SYT1: variants seen among roughly 807,000 people sequenced by gnomAD.
SYT1 encodes the protein synaptotagmin-1.
Under a neutral mutation model 44.8 loss-of-function variants are expected in SYT1, and 8 were observed. The observed-to-expected ratio is 0.18, with a 90% confidence interval of 0.10 to 0.32. The LOEUF is 0.32. SYT1 is among the 10% of genes least tolerant of loss of function. The probability of loss-of-function intolerance (pLI) is 1.00; values close to 1 mark genes in which losing one functional copy is unlikely to be tolerated. For synonymous variants in SYT1, 154 were observed against 188.8 expected, an observed-to-expected ratio of 0.82 and a Z score of 1.51; for missense variants, 286 against 509.3, an observed-to-expected ratio of 0.56 and a Z score of 4.22.
intron 1 of SYT1, among the ~76,000 whole-genome samples, chr12:78,914,793 G>A (rs1455372334): frequency 6.6e-6 from 1 of 151,834 alleles, no homozygotes; most frequent in Non-Finnish European, 1.5e-5. Context: ...TGTTTTCTAT[G>A]TATTTTTATG....
intron 1 of SYT1, among the ~76,000 whole-genome samples, chr12:78,930,726 T>A (rs1877586439): frequency 6.6e-6 from 1 of 151,834 alleles, no homozygotes; most frequent in Non-Finnish European, 1.5e-5. Context: ...AAATTTGATC[T>A]ACTGAATGTA....
intron 8 of SYT1, among the ~76,000 whole-genome samples, chr12:79,350,397 C>A (rs1295975027): frequency 6.6e-6 from 1 of 151,956 alleles, no homozygotes; most frequent in Admixed American, 6.6e-5. Flanking sequence ...GGACTACAGG[C>A]GCCCGCCACC....
At chr12:79,096,663 A>G (rs1196893850) in intron 3 of SYT1, among the ~76,000 whole-genome samples, 2 of 152,014 alleles carry the variant, frequency 1.3e-5, no homozygotes, top group Non-Finnish European at 2.9e-5. Flanking sequence ...GAATGCAACA[A>G]TATGACCCAT....
At chr12:79,445,608 T>A (rs1870663788) in intron 10 of SYT1, among the ~76,000 whole-genome samples, 1 of 151,962 alleles carries the variant, frequency 6.6e-6, no homozygotes, top group African/African-American at 2.4e-5. Flanking sequence ...GTTCCATCCA[T>A]TGCCACAAAT....
rs1295422772 is a variant in SYT1 at position 79,449,300 on chromosome 12, C to A, written c.*176C>A. Reference sequence around the variant, plus strand: ...ATTTAAATGTAGAGAGCCCCTAAGTCCTTCATCATACCACTGCCCTCCAAA... The same window carrying A: ...ATTTAAATGTAGAGAGCCCCTAAGTACTTCATCATACCACTGCCCTCCAAA... On this transcript the variant is annotated 3_prime_UTR_variant, in exon 11 of 11. Coordinates refer to ENST00000261205, the MANE Select transcript of SYT1 (RefSeq NM_005639.3). The A allele has an allele frequency of 3.1e-6, 2 of 647,662 alleles. No homozygotes were observed. The highest frequency in any genetic ancestry group is 5.2e-6 in the Non-Finnish European group (2 of 382,576). The allele number at this position is 647,662 out of a possible 1,614,324, so 40.1% of individuals were successfully genotyped here. A position where few individuals can be genotyped will look rare whatever the true frequency, so the allele number is the denominator to read the frequency against.
chr12:79,011,878 T>A (rs1408817255), intron 2 of SYT1, among the ~76,000 whole-genome samples: 4 of 152,190 alleles, frequency 2.6e-5, no homozygotes, highest in Middle Eastern at 3.4e-3. Context: ...ACGCCTGTAA[T>A]CCCAGCACTT....
chr12:79,239,464 T>C (rs1047517062), intron 4 of SYT1, among the ~76,000 whole-genome samples: 1 of 152,196 alleles, frequency 6.6e-6, no homozygotes, highest in Non-Finnish European at 1.5e-5. Context: ...TAGTTAACAA[T>C]AATGCATTTA....
chr12:79,025,256 A>C (rs1053489068), intron 2 of SYT1, among the ~76,000 whole-genome samples: 2 of 151,790 alleles, frequency 1.3e-5, no homozygotes, highest in African/African-American at 4.8e-5. Flanking sequence ...AACCATCATT[A>C]GTTTTACTTC....
chr12:79,401,634 T>A (rs1037109701), intron 9 of SYT1, among the ~76,000 whole-genome samples: 5 of 152,100 alleles, frequency 3.3e-5, no homozygotes, highest in African/African-American at 1.2e-4. Context: ...AAGAATGATA[T>A]TAAAGATAAT....
intron 1 of SYT1, among the ~76,000 whole-genome samples, chr12:78,959,074 A>G (rs1168860388): frequency 1.3e-5 from 2 of 152,144 alleles, no homozygotes; most frequent in Non-Finnish European, 2.9e-5. Context: ...GCCCATTTGC[A>G]TTCAGCTGAG....
chr12:78,894,746 G>T (rs1875261396), intron 1 of SYT1, among the ~76,000 whole-genome samples: 1 of 151,614 alleles, frequency 6.6e-6, no homozygotes, highest in African/African-American at 2.4e-5. Context: ...AGAGTCAAAT[G>T]CTGGTTACCA....
intron 4 of SYT1, among the ~76,000 whole-genome samples, chr12:79,263,547 C>T (rs552322247): frequency 1.6e-4 from 25 of 151,984 alleles, no homozygotes; most frequent in Admixed American, 1.4e-3. Context: ...TTTAAGAAGC[C>T]ACAAGTATAT....
intron 3 of SYT1, among the ~76,000 whole-genome samples, chr12:79,204,753 AAG>A (rs989349681): frequency 6.7e-6 from 1 of 149,282 alleles, no homozygotes; most frequent in Non-Finnish European, 1.5e-5. Context: ...AAAAAGAAAA[AAG>A]AGAGACTTTG....
intron 3 of SYT1, among the ~76,000 whole-genome samples, chr12:79,179,346 G>GATATAGATATATCGATATA (rs1565841877): frequency 2.8e-3 from 24 of 8,684 alleles, no homozygotes; most frequent in Non-Finnish European, 8.9e-3. Flanking sequence ...ATATCGATAT[G>GATATAGATATATCGATATA]TCTATATCGA....
intron 4 of SYT1, among the ~76,000 whole-genome samples, chr12:79,269,461 G>A (rs2138762109): frequency 6.6e-6 from 1 of 152,134 alleles, no homozygotes; most frequent in South Asian, 2.1e-4. Context: ...CTCCACCTCT[G>A]CATAAGTTCT....
At chr12:79,264,386 G>T (rs1272593432) in intron 4 of SYT1, among the ~76,000 whole-genome samples, 6 of 152,040 alleles carry the variant, frequency 3.9e-5, no homozygotes, top group African/African-American at 1.4e-4. Context: ...CTATTCAGTG[G>T]AAACGTGATA....
At chr12:79,173,257 C>T (rs1386851658) in intron 3 of SYT1, among the ~76,000 whole-genome samples, 1 of 152,010 alleles carries the variant, frequency 6.6e-6, no homozygotes, top group Non-Finnish European at 1.5e-5. Context: ...TGCTCCCCTG[C>T]AAGTTCCCTG....
At chr12:79,434,926 C>A (rs1252004629) in intron 9 of SYT1, among the ~76,000 whole-genome samples, 1 of 152,000 alleles carries the variant, frequency 6.6e-6, no homozygotes, top group African/African-American at 2.4e-5. Flanking sequence ...ATTGAGCTTA[C>A]CCCCAATTCC....
chr12:79,356,574 C>T (rs1270849423), intron 9 of SYT1, among the ~76,000 whole-genome samples: 2 of 151,996 alleles, frequency 1.3e-5, no homozygotes, highest in Non-Finnish European at 2.9e-5. Context: ...ACGAGGAGAC[C>T]AAAATTATAT....
Sources: allele counts gnomAD v4.1 joint callset (sites outside exome capture counted in the v4.1 genomes callset), GRCh38; gene constraint gnomAD v4.1.1; transcripts MANE v1.5; gene names NCBI Gene and HGNC (gene_info 2026-07-23, HGNC 2026-07-21).